Variants in ANKRD18B observed in about 807,000 individuals in gnomAD.
The protein encoded by ANKRD18B is ankyrin repeat domain-containing protein 18B.
A neutral mutation model predicts 111.8 loss-of-function variants in ANKRD18B; 75 were observed. The ratio of observed to expected loss-of-function variants is 0.67; its 90% CI spans 0.56 to 0.81. ANKRD18B has a LOEUF of 0.81. Among genes scored for constraint, ANKRD18B ranks in the 40% least tolerant of loss-of-function variants. ANKRD18B has a pLI of 0.00. For synonymous variants in ANKRD18B, 356 were observed against 417.3 expected, an observed-to-expected ratio of 0.85 and a Z score of 1.79; for missense variants, 1,038 against 1,225.5, an observed-to-expected ratio of 0.85 and a Z score of 2.28.
chr9:33,567,232 G>A lies in ANKRD18B; in HGVS notation c.2872G>A (p.Val958Ile). Reference sequence around the variant, plus strand: ...CAAAATGAAAACAGCTTATGAAGATGTTACAACTGAATTAGAAGAGTATAA... The same window carrying A: ...CAAAATGAAAACAGCTTATGAAGATATTACAACTGAATTAGAAGAGTATAA... ...FSKMKTAYED[V>I]TTELEEYKEA... is the part of the protein sequence containing the mutation. The change falls in exon 16 of 19, where the codon GTT (valine) becomes ATT (isoleucine). Residue 958 changes from valine to isoleucine, a missense_variant. Transcript: ENST00000684830. 6.5e-7 allele frequency: 1 copy of A among 1,550,156 alleles called. No homozygotes were observed. The highest frequency in any genetic ancestry group is 8.7e-7 in the Non-Finnish European group (1 of 1,146,340).
At chr9:33,573,190 T>A, downstream of ANKRD18B, 1 of 985,400 alleles carries the variant, frequency 1.0e-6, no homozygotes, top group Non-Finnish European at 1.2e-6. Context: ...TAATTTTTCT[T>A]AAAAGCAGAG....
chr9:33,564,618 A>G (rs1008736868), intron 14 of ANKRD18B, among the ~76,000 whole-genome samples: 6 of 152,182 alleles, frequency 3.9e-5, no homozygotes, highest in Non-Finnish European at 8.8e-5. Context: ...AGAAAACTTC[A>G]TATTGTTTTC....
At chr9:33,562,797 A>G (rs1828626062) in intron 14 of ANKRD18B, among the ~76,000 whole-genome samples, 1 of 152,198 alleles carries the variant, frequency 6.6e-6, no homozygotes, top group Non-Finnish European at 1.5e-5. Flanking sequence ...GTCATTCCAT[A>G]ATTTTCTCCT....
At chr9:33,556,109 G>C (rs146450414) in intron 13 of ANKRD18B, among the ~76,000 whole-genome samples, 8 of 152,086 alleles carry the variant, frequency 5.3e-5, no homozygotes, top group Non-Finnish European at 1.0e-4. Context: ...ATGTGTCATA[G>C]AGTCCAATGG....
intron 12 of ANKRD18B, among the ~76,000 whole-genome samples, chr9:33,552,541 C>T (rs1397799942): frequency 6.6e-6 from 1 of 152,140 alleles, no homozygotes; most frequent in Non-Finnish European, 1.5e-5. Flanking sequence ...CGGTTATGTA[C>T]TACTCAATCC....
chr9:33,531,159 T>C (rs2985592), intron 3 of ANKRD18B, among the ~76,000 whole-genome samples: 39 of 152,360 alleles, frequency 2.6e-4, no homozygotes, highest in South Asian at 6.2e-4. Flanking sequence ...ACTAATTGTC[T>C]ATTTGGTTAA....
intron 14 of ANKRD18B, among the ~76,000 whole-genome samples, chr9:33,558,430 T>G (rs199594472): frequency 3.3e-5 from 5 of 152,174 alleles, no homozygotes; most frequent in African/African-American, 1.2e-4. Flanking sequence ...CTCCCACTTA[T>G]AAGTGAGAGG....
chr9:33,536,932 A>G lies in ANKRD18B; in HGVS notation c.795A>G (p.Arg265=), dbSNP rs1828209867. The G allele has an allele frequency of 1.3e-6, 2 of 1,502,344 alleles. No individual in the cohort carries two copies. Among genetic ancestry groups the G allele is most frequent in the Middle Eastern group, 1.7e-4 (1 of 5,846 alleles). The allele number at this position is 1,502,344 out of a possible 1,614,324, so 93.1% of individuals were successfully genotyped here. The change falls in exon 6 of 19, where the codon CGA becomes CGG. Residue 265 remains arginine (R), a synonymous_variant. Transcript: ENST00000684830. The stretch of plus-strand genomic sequence containing the variant: ...ATAAGATGCTTAAAAATCATCTTCG[A>G]AATGACAATCAAGGTAAGACTTCTG... The part of the protein sequence containing the change: ...HKNKMLKNHL[R]NDNQEAAAMK...
chr9:33,535,998 C>A (rs1828195418), intron 5 of ANKRD18B, among the ~76,000 whole-genome samples: 1 of 151,862 alleles, frequency 6.6e-6, no homozygotes, highest in African/African-American at 2.4e-5. Context: ...TTTCATGGAA[C>A]TGAAAAACAA....
At chr9:33,564,888 A>G (rs1828663093) in intron 14 of ANKRD18B, among the ~76,000 whole-genome samples, 1 of 151,852 alleles carries the variant, frequency 6.6e-6, no homozygotes, top group Non-Finnish European at 1.5e-5. Flanking sequence ...TCTTTTGCCT[A>G]GTTTTGAACT....
chr9:33,570,192 C>T (rs1212556928), intron 17 of ANKRD18B, among the ~76,000 whole-genome samples: 6 of 152,134 alleles, frequency 3.9e-5, no homozygotes, highest in East Asian at 1.9e-4. Flanking sequence ...AGCAAACTAA[C>T]GCAGAAACAG....
chr9:33,532,096 T>C (rs1828125726), intron 3 of ANKRD18B, among the ~76,000 whole-genome samples: 1 of 151,998 alleles, frequency 6.6e-6, no homozygotes, highest in Non-Finnish European at 1.5e-5. Context: ...TAGCCAGGTG[T>C]GGTGGCAGGT....
chr9:33,534,109 C>T (rs1828158498), intron 4 of ANKRD18B, among the ~76,000 whole-genome samples: 2 of 152,086 alleles, frequency 1.3e-5, no homozygotes, highest in Non-Finnish European at 2.9e-5. Context: ...CATCAAAGGA[C>T]TATAAATTAG....
At chr9:33,544,723 G>A (rs1828330281) in intron 10 of ANKRD18B, among the ~76,000 whole-genome samples, 1 of 152,106 alleles carries the variant, frequency 6.6e-6, no homozygotes, top group African/African-American at 2.4e-5. Context: ...TGTAATCCCA[G>A]CTACTCGGGA....
intron 6 of ANKRD18B, among the ~76,000 whole-genome samples, chr9:33,538,861 C>A (rs1037336508): frequency 9.9e-5 from 15 of 152,048 alleles, no homozygotes; most frequent in African/African-American, 3.6e-4. Context: ...AAATGTAACA[C>A]CTAATGCATT....
At chr9:33,549,175 G>A (rs1828412391) in intron 11 of ANKRD18B, among the ~76,000 whole-genome samples, 1 of 152,146 alleles carries the variant, frequency 6.6e-6, no homozygotes, top group African/African-American at 2.4e-5. Context: ...TCTTTGAACT[G>A]TTTGTTAAAA....
intron 1 of ANKRD18B, among the ~76,000 whole-genome samples, chr9:33,528,446 A>G (rs1161516306): frequency 6.6e-6 from 1 of 152,230 alleles, no homozygotes; most frequent in Non-Finnish European, 1.5e-5. Flanking sequence ...AAATTCAGGC[A>G]CAGAAAGGCT....
intron 17 of ANKRD18B, among the ~76,000 whole-genome samples, chr9:33,570,750 G>C (rs1828761935): frequency 6.7e-6 from 1 of 150,210 alleles, no homozygotes; most frequent in African/African-American, 2.5e-5. Context: ...CCATTTTCCT[G>C]CCTCAGCCTC....
At chr9:33,533,630 T>A in intron 4 of ANKRD18B, 85 bp downstream of exon 4, 1 of 1,449,590 alleles carries the variant, frequency 6.9e-7, no homozygotes, top group Non-Finnish European at 9.1e-7. Flanking sequence ...GTCAGAAATG[T>A]TAATAAGATT....
Sources: gnomAD v4.1 joint callset for allele counts (sites outside exome capture counted in the v4.1 genomes callset) on GRCh38, gnomAD v4.1.1 for gene constraint, MANE v1.5 for transcripts, NCBI Gene and HGNC (gene_info 2026-07-23, HGNC 2026-07-21) for gene names.